CCDC30: variants seen among roughly 807,000 people sequenced by gnomAD.
CCDC30 encodes coiled-coil domain containing 30.
A neutral mutation model predicts 100.2 loss-of-function variants in CCDC30; 70 were observed. That is an observed-to-expected ratio of 0.70 (90% CI 0.58 to 0.85). The LOEUF is 0.85. Ranked by LOEUF, CCDC30 falls within the 40% of genes least tolerant of loss-of-function variation. The probability of loss-of-function intolerance (pLI) is 0.00; values close to 1 mark genes in which losing one functional copy is unlikely to be tolerated. For synonymous variants in CCDC30, 233 were observed against 269.5 expected (o/e 0.86, Z 1.33); for missense variants, 652 against 771.2 (o/e 0.85, Z 1.83).
intron 11 of CCDC30, among the ~76,000 whole-genome samples, chr1:42,627,681 C>G (rs767428611): frequency 1.3e-5 from 2 of 152,202 alleles, no homozygotes; most frequent in Admixed American, 6.5e-5. Context: ...AAGGGGCCAA[C>G]TTAGCACTTG....
chr1:42,470,361 G>C (rs1406943408), intron 1 of CCDC30, among the ~76,000 whole-genome samples: 1 of 151,980 alleles, frequency 6.6e-6, no homozygotes. Flanking sequence ...TGCATTGCTG[G>C]TAGGAACGTA....
At chr1:42,615,129 T>C (rs923365955) in intron 11 of CCDC30, among the ~76,000 whole-genome samples, 14 of 152,046 alleles carry the variant, frequency 9.2e-5, no homozygotes, top group African/African-American at 3.4e-4. Flanking sequence ...GGATTTTGGA[T>C]TGGGCCAAAA....
intron 6 of CCDC30, among the ~76,000 whole-genome samples, chr1:42,507,537 C>G (rs1440430713): frequency 6.6e-6 from 1 of 152,160 alleles, no homozygotes; most frequent in African/African-American, 2.4e-5. Flanking sequence ...GTAAAATTTA[C>G]ATTTCCATAC....
At chr1:42,520,656 T>TTTTC (rs1359680899) in intron 6 of CCDC30, among the ~76,000 whole-genome samples, 1 of 145,346 alleles carries the variant, frequency 6.9e-6, no homozygotes, top group Admixed American at 6.8e-5. Flanking sequence ...TTTTTTTTTT[T>TTTTC]TTGAGACAGA....
chr1:42,460,305 T>C, upstream of CCDC30: 1 of 995,346 alleles, frequency 1.0e-6, no homozygotes, highest in Non-Finnish European at 1.2e-6. Flanking sequence ...GGCCCTGTGC[T>C]GAGCCATGAG....
rs554491869 is a variant in CCDC30 at position 42,477,688 on chromosome 1, A to T, written c.-91-2773A>T. ...ATTCTTCAAATTAGACTTGATCTGG[A>T]CTTGCAATAAATCTGTAAACTGTGA... is the stretch of plus-strand genomic sequence containing the variant. On this transcript the variant is annotated intron_variant, in intron 1 of 16. Transcript: ENST00000668663. Among the ~76,000 whole-genome samples, 4 of 152,344 alleles carry T rather than the reference A, an allele frequency of 2.6e-5. No homozygotes were observed. In the East Asian group the frequency reaches 7.7e-4, roughly 29 times the overall value.
At chr1:42,558,044 A>G in intron 6 of CCDC30, 1 of 205,088 alleles carries the variant, frequency 4.9e-6, no homozygotes, top group Non-Finnish European at 1.1e-5. Flanking sequence ...TATGGTGGGA[A>G]AAAAAATAGA....
chr1:42,581,590 A>G, intron 9 of CCDC30, 76 bp downstream of exon 13: 1 of 1,350,816 alleles, frequency 7.4e-7, no homozygotes, highest in Non-Finnish European at 1.0e-6. Context: ...ATTTTTTCTA[A>G]CAGAATATCA....
chr1:42,546,396 A>AT (rs1645136014), intron 6 of CCDC30, among the ~76,000 whole-genome samples: 3 of 15,874 alleles, frequency 1.9e-4, no homozygotes, highest in African/African-American at 5.3e-4. Context: ...AAAAAAAAAA[A>AT]AAAATATATA....
intron 6 of CCDC30, among the ~76,000 whole-genome samples, chr1:42,546,646 G>T (rs1645150701): frequency 6.6e-6 from 1 of 151,370 alleles, no homozygotes; most frequent in Admixed American, 6.6e-5. Context: ...TGCAGAGTTT[G>T]TTTTTTGCTG....
intron 4 of CCDC30, chr1:42,492,560 A>G (rs1452703431): frequency 6.6e-6 from 1 of 152,584 alleles, no homozygotes; most frequent in Non-Finnish European, 1.5e-5. Flanking sequence ...GAAAAAAATG[A>G]AATCATACAA....
At chr1:42,491,506 T>TTA (rs1644140936) in intron 4 of CCDC30, among the ~76,000 whole-genome samples, 1 of 144,280 alleles carries the variant, frequency 6.9e-6, no homozygotes, top group Non-Finnish European at 1.5e-5. Context: ...GGTTAATGGG[T>TTA]AAAAAAAAAA....
the CCDC30 span, chr1:42,456,643 C>G: frequency 6.3e-7 from 1 of 1,578,252 alleles, no homozygotes; most frequent in Non-Finnish European, 8.6e-7. Context: ...TGGCTCGCTT[C>G]GCGGCCAGGC....
rs16829590 is a variant in CCDC30, at chr1:42,474,768, A to G, written c.-91-5693A>G. Among the ~76,000 whole-genome samples, 605 of 152,314 alleles carry G rather than the reference A, an allele frequency of 4.0e-3. 3 individuals are homozygous for G. Among genetic ancestry groups the G allele is most frequent in the African/African-American group, 0.014 (577 of 41,570 alleles). ...GCTTCTTCACCTCCAAAGTGGGAGA[A>G]TAATAGTCCCATGTGGTTGTGGAGA... On this transcript the variant is annotated intron_variant, in intron 1 of 16. Transcript: ENST00000668663.
At chr1:42,585,459 TTATC>T (rs1204726684) in intron 9 of CCDC30, among the ~76,000 whole-genome samples, 1 of 152,088 alleles carries the variant, frequency 6.6e-6, no homozygotes, top group Non-Finnish European at 1.5e-5. Context: ...GGCTAGAGGT[TTATC>T]TATTTTATTC....
At chr1:42,637,260 A>G in exon 12 of CCDC30, 1 of 1,585,292 alleles carries the variant, frequency 6.3e-7, no homozygotes, top group Non-Finnish European at 8.5e-7. Flanking sequence ...AAACATCACC[A>G]ACAAAAAGTC....
At chr1:42,635,589 C>T (rs889332195) in intron 11 of CCDC30, among the ~76,000 whole-genome samples, 3 of 151,402 alleles carry the variant, frequency 2.0e-5, no homozygotes, top group Non-Finnish European at 4.4e-5. Context: ...GCGGGCAGAT[C>T]ACGAGGTCAG....
At chr1:42,466,354 T>C (rs1021439390) in intron 1 of CCDC30, among the ~76,000 whole-genome samples, 2 of 152,166 alleles carry the variant, frequency 1.3e-5, no homozygotes, top group Admixed American at 1.3e-4. Flanking sequence ...ACTGCACCCA[T>C]TCTCCTTGTC....
intron 11 of CCDC30, among the ~76,000 whole-genome samples, chr1:42,614,560 G>A (rs1211629678): frequency 6.6e-6 from 1 of 151,698 alleles, no homozygotes; most frequent in African/African-American, 2.4e-5. Flanking sequence ...GCTGAGGCGG[G>A]CAAATTACGT....
Sources: gnomAD v4.1 joint callset for allele counts (sites outside exome capture counted in the v4.1 genomes callset) on GRCh38, gnomAD v4.1.1 for gene constraint, MANE v1.5 for transcripts, NCBI Gene and HGNC (gene_info 2026-07-23, HGNC 2026-07-21) for gene names.